Variants in UBASH3B observed in about 807,000 individuals in gnomAD.
UBASH3B encodes the protein ubiquitin associated and SH3 domain containing B.
Under a neutral mutation model 83.4 loss-of-function variants are expected in UBASH3B, and 37 were observed. The ratio of observed to expected loss-of-function variants is 0.44; its 90% confidence interval spans 0.34 to 0.58. The LOEUF (loss-of-function observed/expected upper bound fraction) is 0.58, where lower values mean the gene tolerates loss of function less well. UBASH3B is among the 20% of genes least tolerant of loss of function. UBASH3B has a pLI of 0.01. For missense variants in UBASH3B, 657 were observed against 827.2 expected, an observed-to-expected ratio of 0.79 and a Z score of 2.52; for synonymous variants, 304 against 318.3, an observed-to-expected ratio of 0.96 and a Z score of 0.48.
chr11:122,771,748 AACAC>A (rs58950220), intron 1 of UBASH3B, among the ~76,000 whole-genome samples: 49,527 of 146,998 alleles, frequency 0.34, 8,608 homozygotes, highest in Middle Eastern at 0.43. Context: ...GCTGTGTTAA[AACAC>A]ACACACACAC....
intron 1 of UBASH3B, among the ~76,000 whole-genome samples, chr11:122,693,392 C>T (rs1313571745): frequency 6.6e-6 from 1 of 152,176 alleles, no homozygotes; most frequent in Non-Finnish European, 1.5e-5. Flanking sequence ...AACGTCTATT[C>T]TCCACCCAGA....
At chr11:122,801,416 A>G in intron 11 of UBASH3B, 84 bp downstream of exon 11, 1 of 1,498,674 alleles carries the variant, frequency 6.7e-7, no homozygotes, top group East Asian at 2.3e-5. Flanking sequence ...GGAAGGAGCC[A>G]GGGCTGGACA....
chr11:122,707,960 G>A (rs913400703), intron 1 of UBASH3B, among the ~76,000 whole-genome samples: 2 of 152,114 alleles, frequency 1.3e-5, no homozygotes, highest in African/African-American at 4.8e-5. Context: ...CTCCCAAAGT[G>A]CCGGGATTAC....
chr11:122,736,266 T>C (rs946986435), intron 1 of UBASH3B, among the ~76,000 whole-genome samples: 1 of 151,998 alleles, frequency 6.6e-6, no homozygotes, highest in South Asian at 2.1e-4. Flanking sequence ...CTTCTCGGTG[T>C]TCTTTCATTT....
intron 1 of UBASH3B, among the ~76,000 whole-genome samples, chr11:122,688,452 G>GT (rs1168505058): frequency 3.8e-4 from 52 of 136,990 alleles, no homozygotes; most frequent in South Asian, 1.6e-3. Flanking sequence ...TGGTTTGTTT[G>GT]TTTTTTTTTT....
At chr11:122,772,639 C>T (rs1009730423) in intron 1 of UBASH3B, among the ~76,000 whole-genome samples, 1 of 152,164 alleles carries the variant, frequency 6.6e-6, no homozygotes, top group Admixed American at 6.5e-5. Flanking sequence ...TGGGGCCAGA[C>T]CAACCTTGAA....
chr11:122,693,104 G>A (rs893068795), intron 1 of UBASH3B, among the ~76,000 whole-genome samples: 1 of 152,182 alleles, frequency 6.6e-6, no homozygotes, highest in African/African-American at 2.4e-5. Flanking sequence ...ACCTTCTCAA[G>A]GGTGGGGAGA....
intron 1 of UBASH3B, among the ~76,000 whole-genome samples, chr11:122,669,829 C>T (rs1863569378): frequency 6.6e-6 from 1 of 152,130 alleles, no homozygotes; most frequent in South Asian, 2.1e-4. Context: ...TGAACTTGCC[C>T]AACATCACAC....
At chr11:122,754,978 G>A (rs1391345708) in intron 1 of UBASH3B, among the ~76,000 whole-genome samples, 1 of 152,168 alleles carries the variant, frequency 6.6e-6, no homozygotes, top group Non-Finnish European at 1.5e-5. Flanking sequence ...GCTCACGTTG[G>A]AGCGGTGGAA....
intron 6 of UBASH3B, among the ~76,000 whole-genome samples, chr11:122,793,520 T>C (rs11218814): frequency 0.23 from 34,450 of 152,156 alleles, 4,261 homozygotes; most frequent in Middle Eastern, 0.45. Flanking sequence ...GCTACCCAAA[T>C]TGTAAAGAAG....
chr11:122,771,380 CCACCACCA>C (rs1860639615), intron 1 of UBASH3B, among the ~76,000 whole-genome samples: 1 of 151,960 alleles, frequency 6.6e-6, no homozygotes, highest in African/African-American at 2.4e-5. Flanking sequence ...TTACAGGCAC[CCACCACCA>C]CGCCACCACG....
intron 1 of UBASH3B, among the ~76,000 whole-genome samples, chr11:122,712,496 C>T (rs1407819213): frequency 6.6e-6 from 1 of 152,106 alleles, no homozygotes; most frequent in Non-Finnish European, 1.5e-5. Flanking sequence ...ATGCTTGCTT[C>T]CATCCTGGCC....
chr11:122,789,234 C>A lies in UBASH3B; in HGVS notation c.906C>A (p.Thr302=), dbSNP rs1274834371. Residue 302 remains threonine (T), a synonymous_variant, in exon 6 of 14, where the codon ACC becomes ACA. Transcript: ENST00000284273. The part of the protein sequence containing the change: ...SEGWIYGTSL[T]TGCSGLLPEN... ...GTTGGATCTATGGCACGTCCTTAAC[C>A]ACCGGCTGCTCTGGACTCCTGCCTG... 6.2e-7 allele frequency: 1 copy of A among 1,614,198 alleles called. No homozygotes were observed. Among genetic ancestry groups the A allele is most frequent in the South Asian group, 1.1e-5 (1 of 91,086 alleles).
chr11:122,720,523 T>C (rs960414644), intron 1 of UBASH3B, among the ~76,000 whole-genome samples: 5 of 152,236 alleles, frequency 3.3e-5, no homozygotes, highest in African/African-American at 4.8e-5. Context: ...CAACGTTCTC[T>C]GTGTTACAAA....
Position 122,796,931 on chromosome 11 carries a change from C to A in UBASH3B, c.1255C>A (p.Leu419Met), listed in dbSNP as rs1208445755. The change falls in exon 9 of 14, where the codon CTG becomes ATG. Residue 419 changes from leucine to methionine, a missense_variant. This residue lies in a region of UBASH3B where 573 missense variants were observed against 739.0 expected (regional missense o/e 0.78). Transcript: ENST00000284273. ...TTCAGGCCGCTACATACGCACCAAC[C>A]TGAACATGCCTCATAGTTTACCTCA... is the stretch of plus-strand genomic sequence containing the variant. The part of the protein sequence containing the change: ...DAKGRYIRTN[L>M]NMPHSLPQRS... The A allele has an allele frequency of 6.2e-7, 1 of 1,614,198 alleles. No homozygotes were observed.
chr11:122,779,095 A>C (rs1438300234), intron 3 of UBASH3B, among the ~76,000 whole-genome samples: 1 of 152,244 alleles, frequency 6.6e-6, no homozygotes, highest in African/African-American at 2.4e-5. Flanking sequence ...ATAATATGTT[A>C]TGATGAACTA....
intron 5 of UBASH3B, among the ~76,000 whole-genome samples, chr11:122,787,064 G>A (rs1591813775): frequency 6.6e-6 from 1 of 151,730 alleles, no homozygotes; most frequent in Non-Finnish European, 1.5e-5. Flanking sequence ...CAAGGGAAAG[G>A]CACTACTGGG....
rs1860514360 is a variant in UBASH3B at position 122,765,259 on chromosome 11, C to T, written c.162-10960C>T. Among the ~76,000 whole-genome samples the T allele has an allele frequency of 2.0e-5, 3 of 152,232 alleles. No individual in the cohort carries two copies. The South Asian group carries it at 6.2e-4, about 31-fold the overall frequency. On this transcript the variant is annotated intron_variant, in intron 1 of 13. Coordinates refer to ENST00000284273, the MANE Select transcript of UBASH3B (RefSeq NM_032873.5). ...AAATTTTCAATATCCTCAAGTTCCTCTAATGCCAAGAAGCCCCATTCCAGC... is the reference window on the plus strand; with the variant it reads ...AAATTTTCAATATCCTCAAGTTCCTTTAATGCCAAGAAGCCCCATTCCAGC...
At position 122,656,121 on chromosome 11, in the gene UBASH3B, C is replaced by A. The variant is rs776599575; in HGVS notation, c.72C>A (p.Pro24=). The A allele has an allele frequency of 1.9e-6, 3 of 1,598,678 alleles. No homozygotes were observed. Among genetic ancestry groups the A allele is most frequent in the Admixed American group, 1.7e-5 (1 of 58,738 alleles). Reference sequence around the variant, plus strand: ...AGGAGCTGTACAGCAAAGTCACCCCCCGGAGGAACCGCCAACAGCGCCCCG... The same window carrying A: ...AGGAGCTGTACAGCAAAGTCACCCCACGGAGGAACCGCCAACAGCGCCCCG... ...AREELYSKVT[P]RRNRQQRPGT... The change falls in exon 1 of 14, where the codon CCC becomes CCA. Residue 24 remains proline (P), a synonymous_variant. Coordinates refer to ENST00000284273, the MANE Select transcript of UBASH3B (RefSeq NM_032873.5).
Sources: gnomAD v4.1 joint callset for allele counts (sites outside exome capture counted in the v4.1 genomes callset) on GRCh38, gnomAD v4.1.1 for gene constraint, gnomAD v4.1.1 regional missense constraint, MANE v1.5 for transcripts, NCBI Gene and HGNC (gene_info 2026-07-23, HGNC 2026-07-21) for gene names.